The following MAGI2 variants were observed in gnomAD, a reference collection of about 807,000 sequenced individuals.
MAGI2 encodes the protein membrane-associated guanylate kinase, WW and PDZ domain-containing protein 2.
Under a neutral mutation model 133.3 loss-of-function variants are expected in MAGI2, and 35 were observed. The observed-to-expected ratio is 0.26, with a 90% CI of 0.20 to 0.35. MAGI2 has a LOEUF of 0.35. Among genes scored for constraint, MAGI2 ranks in the 10% least tolerant of loss-of-function variants. MAGI2 has a pLI of 1.00. For missense variants in MAGI2, 1,636 were observed against 1,863.4 expected (o/e 0.88, Z 2.25); for synonymous variants, 729 against 710.6 (o/e 1.03, Z -0.41).
At chr7:79,343,116 A>G (rs1286130795) in intron 1 of MAGI2, 1 of 152,184 alleles carries the variant, frequency 6.6e-6, no homozygotes, top group Non-Finnish European at 1.5e-5. Context: ...ATTGAAATAC[A>G]AAAAGTTGCA....
chr7:78,107,501 G>A (rs1053920978), intron 20 of MAGI2, among the ~76,000 whole-genome samples: 3 of 152,152 alleles, frequency 2.0e-5, no homozygotes, highest in East Asian at 1.9e-4. Context: ...TCCTGTGTGT[G>A]TCCTCTTCAA....
chr7:78,489,279 T>C (rs146621735), intron 6 of MAGI2, among the ~76,000 whole-genome samples: 1 of 152,182 alleles, frequency 6.6e-6, no homozygotes, highest in African/African-American at 2.4e-5. Flanking sequence ...ATCTAAGACA[T>C]TCAGGCAACT....
chr7:78,906,201 T>C (rs2151603662), intron 2 of MAGI2, among the ~76,000 whole-genome samples: 1 of 152,362 alleles, frequency 6.6e-6, no homozygotes, highest in African/African-American at 2.4e-5. Flanking sequence ...CTGAAGTGTC[T>C]CCACTATAAT....
At chr7:78,965,845 G>T (rs181565279) in intron 2 of MAGI2, among the ~76,000 whole-genome samples, 17 of 152,084 alleles carry the variant, frequency 1.1e-4, no homozygotes, top group African/African-American at 4.1e-4. Context: ...CTTACCTGGA[G>T]ATCATTTCTT....
At chr7:79,090,221 T>A (rs1251282329) in intron 1 of MAGI2, among the ~76,000 whole-genome samples, 1 of 152,044 alleles carries the variant, frequency 6.6e-6, no homozygotes, top group Non-Finnish European at 1.5e-5. Context: ...AGGTAATACC[T>A]ACAGCTGTTA....
chr7:79,124,230 A>C (rs957305702), intron 1 of MAGI2, among the ~76,000 whole-genome samples: 5 of 152,158 alleles, frequency 3.3e-5, no homozygotes, highest in African/African-American at 1.2e-4. Flanking sequence ...CTAAAACACC[A>C]TTGTTTAGTG....
intron 2 of MAGI2, among the ~76,000 whole-genome samples, chr7:78,963,858 T>A (rs1337066082): frequency 6.6e-6 from 1 of 151,996 alleles, no homozygotes; most frequent in Non-Finnish European, 1.5e-5. Context: ...GGCATCAGAG[T>A]TTTTATTACA....
chr7:79,383,869 C>G (rs931432648), intron 1 of MAGI2, among the ~76,000 whole-genome samples: 1 of 151,248 alleles, frequency 6.6e-6, no homozygotes, highest in East Asian at 1.9e-4. Context: ...TAATGAAATA[C>G]TACAAGGATT....
At chr7:78,493,074 T>G (rs1188330865) in intron 5 of MAGI2, among the ~76,000 whole-genome samples, 1 of 152,152 alleles carries the variant, frequency 6.6e-6, no homozygotes, top group Non-Finnish European at 1.5e-5. Context: ...TATGGGCATA[T>G]CCCAAACTCT....
intron 10 of MAGI2, among the ~76,000 whole-genome samples, chr7:78,226,835 A>T (rs547932843): frequency 7.9e-5 from 12 of 152,378 alleles, no homozygotes; most frequent in South Asian, 4.1e-4. Context: ...TGACACTTTT[A>T]ACAGAACTAG....
intron 2 of MAGI2, among the ~76,000 whole-genome samples, chr7:78,941,742 AC>A (rs879367582): frequency 1.5e-3 from 227 of 149,106 alleles, no homozygotes; most frequent in Non-Finnish European, 2.0e-3. Flanking sequence ...ACACACACAC[AC>A]ACACACACAC....
intron 2 of MAGI2, among the ~76,000 whole-genome samples, chr7:78,961,484 C>A (rs2115783157): frequency 6.6e-6 from 1 of 152,208 alleles, no homozygotes. Flanking sequence ...TCACAGTTGA[C>A]AGATAACCAG....
At chr7:79,275,056 C>A (rs1259527792) in intron 1 of MAGI2, among the ~76,000 whole-genome samples, 1 of 152,172 alleles carries the variant, frequency 6.6e-6, no homozygotes, top group South Asian at 2.1e-4. Flanking sequence ...GAAATTAGGA[C>A]AACAAATAAC....
intron 6 of MAGI2, among the ~76,000 whole-genome samples, chr7:78,469,803 C>T (rs143286814): frequency 8.1e-4 from 124 of 152,210 alleles, no homozygotes; most frequent in African/African-American, 3.0e-3. Flanking sequence ...CTCAAATACT[C>T]CTGATTTTCC....
intron 4 of MAGI2, 115 bp downstream of exon 4, chr7:78,521,314 TA>T: frequency 1.6e-6 from 1 of 623,146 alleles, no homozygotes; most frequent in Non-Finnish European, 2.8e-6. Flanking sequence ...AATATATATG[TA>T]TATATTTATC....
intron 6 of MAGI2, among the ~76,000 whole-genome samples, chr7:78,376,431 C>T (rs1277235502): frequency 6.6e-6 from 1 of 151,990 alleles, no homozygotes; most frequent in African/African-American, 2.4e-5. Context: ...GAAAAACTAG[C>T]TGAGCTGTAT....
chr7:78,099,013 T>C (rs964821148), intron 20 of MAGI2, among the ~76,000 whole-genome samples: 5 of 152,298 alleles, frequency 3.3e-5, no homozygotes, highest in African/African-American at 1.2e-4. Flanking sequence ...TTATCCCCAT[T>C]TTCAAATACA....
intron 2 of MAGI2, among the ~76,000 whole-genome samples, chr7:78,850,167 A>G (rs1793006728): frequency 6.6e-6 from 1 of 152,092 alleles, no homozygotes; most frequent in Non-Finnish European, 1.5e-5. Flanking sequence ...CAGAACTAGC[A>G]TTACTTGAGT....
At chr7:78,044,414 C>T (rs931491413) in intron 21 of MAGI2, among the ~76,000 whole-genome samples, 2 of 152,176 alleles carry the variant, frequency 1.3e-5, no homozygotes, top group Admixed American at 6.5e-5. Context: ...GGGCCACCCA[C>T]GATGGCATTA....
Sources: allele counts gnomAD v4.1 joint callset (sites outside exome capture counted in the v4.1 genomes callset), GRCh38; gene constraint gnomAD v4.1.1; transcripts MANE v1.5; gene names NCBI Gene and HGNC (gene_info 2026-07-23, HGNC 2026-07-21).